HGF: variants seen among roughly 807,000 people sequenced by gnomAD.
The protein encoded by HGF is fibroblast-derived tumor cytotoxic factor.
Under a neutral mutation model 111.6 loss-of-function variants are expected in HGF, and 39 were observed. The observed-to-expected ratio is 0.35, with a 90% confidence interval of 0.27 to 0.46. The LOEUF (loss-of-function observed/expected upper bound fraction) is 0.46, where lower values mean the gene tolerates loss of function less well. HGF is among the 20% of genes least tolerant of loss of function. The probability of loss-of-function intolerance (pLI) is 1.00; values close to 1 mark genes in which losing one functional copy is unlikely to be tolerated. For missense variants in HGF, 735 were observed against 910.5 expected (o/e 0.81, Z 2.48); for synonymous variants, 285 against 294.8 (o/e 0.97, Z 0.34).
chr7:81,746,147 A>G (rs1788243133), intron 5 of HGF, among the ~76,000 whole-genome samples: 1 of 152,240 alleles, frequency 6.6e-6, no homozygotes, highest in South Asian at 2.1e-4. Flanking sequence ...TAGTATTAGA[A>G]TCATCACTTT....
rs1380386834 is a variant in HGF at position 81,702,282 on chromosome 7, C to T, written c.*299G>A. On this transcript the variant is annotated 3_prime_UTR_variant, in exon 18 of 18. Transcript: ENST00000222390. Reference sequence around the variant, plus strand: ...TAGACAGATTAATTGATTTTTTTTCCCATGAAATCTTTATCATCCAGCAAA... The same window carrying T: ...TAGACAGATTAATTGATTTTTTTTCTCATGAAATCTTTATCATCCAGCAAA... 6.3e-6 allele frequency: 2 copies of T among 317,444 alleles called. No individual in the cohort carries two copies. Among genetic ancestry groups the T allele is most frequent in the Admixed American group, 4.6e-5 (1 of 21,746 alleles). 19.7% of individuals were successfully genotyped at this position (317,444 alleles called of 1,614,324 possible).
At chr7:81,733,304 CA>C (rs1562886365) in intron 7 of HGF, among the ~76,000 whole-genome samples, 1 of 151,638 alleles carries the variant, frequency 6.6e-6, no homozygotes, top group African/African-American at 2.4e-5. Context: ...GTAATTAATA[CA>C]AATATAATAT....
intron 7 of HGF, chr7:81,736,677 G>T (rs1196483797): frequency 1.5e-5 from 7 of 464,602 alleles, no homozygotes; most frequent in Admixed American, 4.6e-5. Context: ...CATGGCTGGG[G>T]TAAAGAGACT....
At chr7:81,729,375 C>G (rs146558008) in intron 8 of HGF, among the ~76,000 whole-genome samples, 2 of 152,216 alleles carry the variant, frequency 1.3e-5, no homozygotes, top group Admixed American at 6.5e-5. Flanking sequence ...TGAATCTACC[C>G]TCTGGATCTG....
At chr7:81,739,481 A>G (rs1787935647) in intron 7 of HGF, among the ~76,000 whole-genome samples, 1 of 152,172 alleles carries the variant, frequency 6.6e-6, no homozygotes, top group Non-Finnish European at 1.5e-5. Context: ...AGATACAATT[A>G]TCAGTACTCC....
intron 1 of HGF, among the ~76,000 whole-genome samples, chr7:81,766,944 A>G (rs946903408): frequency 1.3e-5 from 2 of 152,180 alleles, no homozygotes; most frequent in Non-Finnish European, 2.9e-5. Flanking sequence ...TTCCACTCAC[A>G]GACAATATTC....
chr7:81,746,793 T>C (rs1421246101), intron 5 of HGF, among the ~76,000 whole-genome samples: 1 of 152,062 alleles, frequency 6.6e-6, no homozygotes, highest in Admixed American at 6.6e-5. Context: ...ATTTTAATGG[T>C]TTTAAGAAAA....
At chr7:81,751,573 A>C in intron 5 of HGF, 1 of 992,588 alleles carries the variant, frequency 1.0e-6, no homozygotes, top group Non-Finnish European at 1.2e-6. Context: ...AATGGTACTC[A>C]GTTCCAGCCT....
intron 8 of HGF, 144 bp downstream of exon 8, chr7:81,729,461 G>A (rs1255644394): frequency 1.4e-6 from 1 of 703,926 alleles, no homozygotes. Flanking sequence ...TCTCTGAGTG[G>A]AGGTGTAATC....
intron 4 of HGF, among the ~76,000 whole-genome samples, chr7:81,753,724 A>G (rs1414529529): frequency 6.6e-6 from 1 of 152,030 alleles, no homozygotes; most frequent in Non-Finnish European, 1.5e-5. Context: ...AGTATTATCC[A>G]TATTATGCAA....
intron 17 of HGF, 87 bp downstream of exon 17, chr7:81,705,303 T>A: frequency 7.5e-7 from 1 of 1,336,714 alleles, no homozygotes. Flanking sequence ...ACAATATTTT[T>A]GATTTGAGAA....
intron 7 of HGF, among the ~76,000 whole-genome samples, chr7:81,741,149 C>G (rs1374967752): frequency 6.6e-6 from 1 of 152,124 alleles, no homozygotes; most frequent in African/African-American, 2.4e-5. Context: ...TCTTTATAGT[C>G]ATATCTATAT....
At chr7:81,732,573 T>C (rs749597428) in intron 7 of HGF, among the ~76,000 whole-genome samples, 3 of 152,182 alleles carry the variant, frequency 2.0e-5, no homozygotes, top group Non-Finnish European at 2.9e-5. Flanking sequence ...TGACCCATGA[T>C]AGTTACAATC....
rs569458327 is a variant in HGF, at chr7:81,699,658, A to T, written c.*2923T>A. On this transcript the variant is annotated 3_prime_UTR_variant, in exon 18 of 18. Transcript: ENST00000222390. ...ATGAAATGCCTGACAGCAATTTCCCACTTCTTGACAGTGTTCTTTTCAAGA... is the reference window on the plus strand; with the variant it reads ...ATGAAATGCCTGACAGCAATTTCCCTCTTCTTGACAGTGTTCTTTTCAAGA... 1 of 151,672 alleles carries T rather than the reference A, an allele frequency of 6.6e-6. No homozygotes were observed. Among genetic ancestry groups the T allele is most frequent in the Non-Finnish European group, 1.5e-5 (1 of 67,704 alleles). The allele number at this position is 151,672 out of a possible 1,614,324, so 9.4% of individuals were successfully genotyped here. A position where few individuals can be genotyped will look rare whatever the true frequency, so the allele number is the denominator to read the frequency against.
In HGF at chr7:81,706,402, G is replaced by T. The variant is rs1170943748; in HGVS notation, c.1642C>A (p.Leu548Ile). The T allele has an allele frequency of 3.7e-6, 6 of 1,612,198 alleles. No individual in the cohort carries two copies. The highest frequency in any genetic ancestry group is 5.1e-6 in the Non-Finnish European group (6 of 1,178,600). ...SRDLKDYEAWLGIHDVHGRGD... is the reference protein window; with the variant it reads ...SRDLKDYEAWIGIHDVHGRGD... ...CTTCCGTGGACATCATGAATTCCAA[G>T]CCAAGCTTCATAATCTTTCAAGTCT... The change falls in exon 15 of 18, where the codon CTT (leucine) becomes ATT (isoleucine). Residue 548 changes from leucine (L) to isoleucine (I), a missense_variant. By Grantham distance (5) the Leu-to-Ile change is conservative. Around this residue, in one of 3 missense-constraint regions of HGF, gnomAD observed 130 missense variants for 129.9 expected, o/e 1.00. Coordinates refer to ENST00000222390, the MANE Select transcript of HGF (RefSeq NM_000601.6).
intron 2 of HGF, among the ~76,000 whole-genome samples, chr7:81,760,844 T>G (rs1182290810): frequency 6.6e-6 from 1 of 152,126 alleles, no homozygotes; most frequent in Non-Finnish European, 1.5e-5. Context: ...AACCAAAATA[T>G]GGTAGGAAAG....
At chr7:81,705,605 A>G in intron 16 of HGF, 42 bp downstream of exon 16, 1 of 1,596,682 alleles carries the variant, frequency 6.3e-7, no homozygotes, top group Admixed American at 1.7e-5. Flanking sequence ...GTTCTTTTTA[A>G]AATAAAATAA....
At chr7:81,714,307 A>AT (rs1394773667) in intron 11 of HGF, among the ~76,000 whole-genome samples, 2 of 152,144 alleles carry the variant, frequency 1.3e-5, no homozygotes, top group Non-Finnish European at 2.9e-5. Context: ...AGTATGTTAT[A>AT]TATGGCTTTG....
At chr7:81,709,312 G>C (rs905734322) in intron 13 of HGF, among the ~76,000 whole-genome samples, 1 of 152,152 alleles carries the variant, frequency 6.6e-6, no homozygotes, top group South Asian at 2.1e-4. Context: ...TAGAAAACAA[G>C]AGACAATGTG....
Sources: gnomAD v4.1 joint callset for allele counts (sites outside exome capture counted in the v4.1 genomes callset) on GRCh38, gnomAD v4.1.1 for gene constraint, gnomAD v4.1.1 regional missense constraint, MANE v1.5 for transcripts, NCBI Gene and HGNC (gene_info 2026-07-23, HGNC 2026-07-21) for gene names.